BATF2: variants seen among roughly 807,000 people sequenced by gnomAD.
BATF2 encodes the protein basic leucine zipper transcriptional factor ATF-like 2.
In BATF2, 4 loss-of-function variants were observed where a neutral mutation model predicts 7.3. That is an observed-to-expected ratio of 0.55 (90% CI 0.27 to 1.26). The LOEUF (loss-of-function observed/expected upper bound fraction) is 1.26. Among genes scored for constraint, BATF2 ranks in the 50% most tolerant of loss-of-function variants. The probability of loss-of-function intolerance (pLI) is 0.11; values close to 1 mark genes in which losing one functional copy is unlikely to be tolerated. For synonymous variants in BATF2, 152 were observed against 153.9 expected (o/e 0.99, Z 0.09); for missense variants, 295 against 340.5 (o/e 0.87, Z 1.05).
chr11:64,990,015 G>C (rs571534165), intron 2 of BATF2: 457 of 1,533,276 alleles, frequency 3.0e-4, no homozygotes, highest in East Asian at 4.2e-4. Flanking sequence ...TCTGAAGGGG[G>C]CTCAGATCCG....
At position 64,988,138 on chromosome 11, in the gene BATF2, A is replaced by G. The variant is rs1946038116; in HGVS notation, c.*991T>C. The G allele has an allele frequency of 6.6e-6, 1 of 152,192 alleles. No individual in the cohort carries two copies. Among genetic ancestry groups the G allele is most frequent in the Admixed American group, 6.5e-5 (1 of 15,268 alleles). The allele number at this position is 152,192 out of a possible 1,614,324, so 9.4% of individuals were successfully genotyped here. On this transcript the variant is annotated 3_prime_UTR_variant, in exon 3 of 3. Transcript: ENST00000301887. Reference sequence around the variant, plus strand: ...AGAGTGTAAAACCCCCTCTTGAAGCAGACACCAAAACTGAACTTCCACCCG... The same window carrying G: ...AGAGTGTAAAACCCCCTCTTGAAGCGGACACCAAAACTGAACTTCCACCCG...
intron 2 of BATF2, among the ~76,000 whole-genome samples, chr11:64,991,924 C>A (rs574840590): frequency 6.6e-6 from 1 of 152,232 alleles, no homozygotes; most frequent in Non-Finnish European, 1.5e-5. Flanking sequence ...CTGCTCCCCA[C>A]GCCTGTGCCA....
At chr11:64,996,378 T>C (rs975508367) in intron 1 of BATF2, among the ~76,000 whole-genome samples, 4 of 152,222 alleles carry the variant, frequency 2.6e-5, no homozygotes, top group African/African-American at 7.2e-5. Flanking sequence ...TGCCTCAGCC[T>C]CTCGAGTAGC....
chr11:64,993,304 G>A (rs537537374), intron 2 of BATF2, among the ~76,000 whole-genome samples: 1 of 152,310 alleles, frequency 6.6e-6, no homozygotes, highest in East Asian at 1.9e-4. Context: ...AGGTTGTAGT[G>A]AGCCAAGTGG....
At chr11:64,990,241 G>C (rs1946065526) in intron 2 of BATF2, 1 of 1,533,556 alleles carries the variant, frequency 6.5e-7, no homozygotes. Context: ...CTGCAGCTCA[G>C]ACCTCCGGTC....
Position 64,989,065 on chromosome 11 carries a change from G to T in BATF2, c.*64C>A. The T allele has an allele frequency of 6.4e-7, 1 of 1,556,508 alleles. No individual in the cohort carries two copies. Among genetic ancestry groups the T allele is most frequent in the Non-Finnish European group, 8.9e-7 (1 of 1,128,478 alleles). On this transcript the variant is annotated 3_prime_UTR_variant, in exon 3 of 3. Coordinates refer to ENST00000301887, the MANE Select transcript of BATF2 (RefSeq NM_138456.4). This position sits in a 1 kb window ranked among gnomAD's most constrained non-coding sequence, Gnocchi z 4.3. Reference sequence around the variant, plus strand: ...CAGCACCCAGTAGTGAGGGAGGAGAGGCCCGTGTGCTAAGGCTGCTTCCTG... The same window carrying T: ...CAGCACCCAGTAGTGAGGGAGGAGATGCCCGTGTGCTAAGGCTGCTTCCTG...
At chr11:64,990,307 C>G (rs527359477) in intron 2 of BATF2, 202 of 1,480,384 alleles carry the variant, frequency 1.4e-4, no homozygotes, top group Non-Finnish European at 1.7e-4. Context: ...CACATGAACT[C>G]TGCTTCCCGG....
At chr11:64,993,448 A>G (rs1946090634) in intron 2 of BATF2, among the ~76,000 whole-genome samples, 1 of 152,204 alleles carries the variant, frequency 6.6e-6, no homozygotes, top group Admixed American at 6.5e-5. Flanking sequence ...GGCCATGAGC[A>G]CACAGCGAGA....
At position 64,992,858 on chromosome 11, in the gene BATF2, C is replaced by CA. The variant is rs367584256; in HGVS notation, c.141+1589dup. 9.2e-3 allele frequency among the ~76,000 whole-genome samples: 1,171 copies of CA among 127,340 alleles called. 12 individuals carry two copies. Among genetic ancestry groups the CA allele is most frequent in the Non-Finnish European group, 0.014 (814 of 59,666 alleles). 83.5% of individuals were successfully genotyped at this position (127,340 alleles called of 152,430 possible). A position where few individuals can be genotyped will look rare whatever the true frequency, so the allele number is the denominator to read the frequency against. The stretch of plus-strand genomic sequence containing the variant: ...CCTGGACAACAGAGTAAGACCCTCT[C>CA]AAAAAAAAAAAAGGAAGAGGCCAGG... On this transcript the variant is annotated intron_variant, in intron 2 of 2. Transcript: ENST00000301887.
At chr11:64,990,128 GC>G in intron 2 of BATF2, 1 of 1,535,628 alleles carries the variant, frequency 6.5e-7, no homozygotes, top group South Asian at 1.2e-5. Context: ...CTATTCTCTT[GC>G]CCACAGGAGC....
chr11:64,989,113 A>G lies in BATF2; in HGVS notation c.*16T>C. 1 of 1,613,962 alleles carries G rather than the reference A, an allele frequency of 6.2e-7. No homozygotes were observed. Among genetic ancestry groups the G allele is most frequent in the South Asian group, 1.1e-5 (1 of 91,058 alleles). ...CTGAGCCCAAAGAAGGGGCCAACCC[A>G]GCTCCGAAGACCAGGTTAGAAGTGG... On this transcript the variant is annotated 3_prime_UTR_variant, in exon 3 of 3. Coordinates refer to ENST00000301887, the MANE Select transcript of BATF2 (RefSeq NM_138456.4). The surrounding 1 kb of genome is among the most constrained non-coding windows in gnomAD (Gnocchi z 4.3).
chr11:64,990,385 C>T, intron 2 of BATF2: 1 of 1,416,328 alleles, frequency 7.1e-7, no homozygotes, highest in East Asian at 2.6e-5. Context: ...CCCAACAGGG[C>T]CTTCCCGTGG....
chr11:64,996,767 G>C, intron 1 of BATF2, 109 bp downstream of exon 1: 2 of 1,346,456 alleles, frequency 1.5e-6, no homozygotes, highest in Non-Finnish European at 2.1e-6. Flanking sequence ...ACTGCTCAGA[G>C]TATAGAGCTG....
At chr11:64,993,948 A>G (rs1201385957) in intron 2 of BATF2, among the ~76,000 whole-genome samples, 4 of 152,152 alleles carry the variant, frequency 2.6e-5, no homozygotes, top group Non-Finnish European at 4.4e-5. Flanking sequence ...GGTGTGCACC[A>G]TCACGCCCAG....
At chr11:64,994,961 G>A (rs751779045) in intron 1 of BATF2, among the ~76,000 whole-genome samples, 3 of 152,058 alleles carry the variant, frequency 2.0e-5, no homozygotes, top group Non-Finnish European at 4.4e-5. Flanking sequence ...CAATTCTCCT[G>A]CCTCGGCCTC....
At chr11:64,991,600 AT>A (rs1344763961) in intron 2 of BATF2, among the ~76,000 whole-genome samples, 1 of 152,138 alleles carries the variant, frequency 6.6e-6, no homozygotes, top group Non-Finnish European at 1.5e-5. Context: ...AGGAGTAACA[AT>A]TTCAATTTCA....
At chr11:64,990,935 C>CACAACCAT in intron 2 of BATF2, among the ~76,000 whole-genome samples, 1 of 148,384 alleles carries the variant, frequency 6.7e-6, no homozygotes, top group East Asian at 2.1e-4. Context: ...GGACCACAGG[C>CACAACCAT]GCCCGCCACC....
chr11:64,990,280 C>A, intron 2 of BATF2: 1 of 1,513,470 alleles, frequency 6.6e-7, no homozygotes, highest in Non-Finnish European at 8.8e-7. Context: ...TTCTTGCTCC[C>A]CTCCCTTCCT....
chr11:64,991,755 T>G (rs556928925), intron 2 of BATF2, among the ~76,000 whole-genome samples: 9 of 152,286 alleles, frequency 5.9e-5, no homozygotes, highest in Non-Finnish European at 1.3e-4. Flanking sequence ...TGGGCGTTTG[T>G]CTACTGTGTC....
Sources: allele counts gnomAD v4.1 joint callset (sites outside exome capture counted in the v4.1 genomes callset), GRCh38; gene constraint gnomAD v4.1.1; non-coding constraint Gnocchi (gnomAD v3.1); transcripts MANE v1.5; gene names NCBI Gene and HGNC (gene_info 2026-07-23, HGNC 2026-07-21).